The following DIAPH3 variants were observed in gnomAD, a reference collection of about 807,000 sequenced individuals.
DIAPH3 encodes the protein diaphanous related formin 3, also known as protein diaphanous homolog 3.
In DIAPH3, 117 loss-of-function variants were observed where a neutral mutation model predicts 144.3. That is an observed-to-expected ratio of 0.81 (90% CI 0.70 to 0.95). The LOEUF is 0.95. Ranked by LOEUF, DIAPH3 falls within the 40% of genes least tolerant of loss-of-function variation. DIAPH3 has a pLI of 0.00. For missense variants in DIAPH3, 1,421 were observed against 1,412.7 expected (o/e 1.01, Z -0.09); for synonymous variants, 519 against 488.9 (o/e 1.06, Z -0.81).
At chr13:59,835,098 A>G (rs1329371411) in intron 23 of DIAPH3, among the ~76,000 whole-genome samples, 1 of 151,784 alleles carries the variant, frequency 6.6e-6, no homozygotes, top group Non-Finnish European at 1.5e-5. Flanking sequence ...GTCACTGAGG[A>G]TGCCCATAAC....
At chr13:59,867,352 C>T (rs1284177113) in intron 21 of DIAPH3, among the ~76,000 whole-genome samples, 2 of 151,326 alleles carry the variant, frequency 1.3e-5, no homozygotes, top group Non-Finnish European at 2.9e-5. Flanking sequence ...GCCATAACCA[C>T]AACCATTAAT....
At chr13:59,802,826 C>T (rs9538525) in intron 25 of DIAPH3, among the ~76,000 whole-genome samples, 10 of 148,198 alleles carry the variant, frequency 6.7e-5, no homozygotes, top group African/African-American at 2.5e-4. Flanking sequence ...GGACTACAGG[C>T]GCCCGCCACC....
chr13:59,673,436 C>T (rs1323667007), intron 27 of DIAPH3, among the ~76,000 whole-genome samples: 1 of 152,140 alleles, frequency 6.6e-6, no homozygotes, highest in Non-Finnish European at 1.5e-5. Flanking sequence ...TTCATCTGGT[C>T]TTTGTCCCAG....
intron 17 of DIAPH3, among the ~76,000 whole-genome samples, chr13:59,955,532 G>A (rs922395706): frequency 6.6e-6 from 1 of 152,094 alleles, no homozygotes; most frequent in African/African-American, 2.4e-5. Flanking sequence ...TTTATTAGCA[G>A]CATGAGAAGC....
chr13:59,879,485 C>T lies in DIAPH3; in HGVS notation c.2368-17G>A. The T allele has an allele frequency of 1.2e-6, 2 of 1,613,244 alleles. No individual in the cohort carries two copies. Among genetic ancestry groups the T allele is most frequent in the Middle Eastern group, 1.7e-4 (1 of 6,058 alleles). ...ATTGCTCATCTGATTGAAAAGAAAACAGCAGATTTCCTTTAAAATGCATGG... is the reference window on the plus strand; with the variant it reads ...ATTGCTCATCTGATTGAAAAGAAAATAGCAGATTTCCTTTAAAATGCATGG... On this transcript the variant is annotated splice_polypyrimidine_tract_variant and intron_variant, in intron 20 of 27. Transcript: ENST00000400324.
At chr13:59,743,479 T>TG (rs924566216) in intron 27 of DIAPH3, among the ~76,000 whole-genome samples, 1 of 152,138 alleles carries the variant, frequency 6.6e-6, no homozygotes, top group African/African-American at 2.4e-5. Context: ...TGTACCTTGT[T>TG]GGGGGTGGAT....
At chr13:59,700,279 C>A (rs944748720) in intron 27 of DIAPH3, among the ~76,000 whole-genome samples, 7 of 152,100 alleles carry the variant, frequency 4.6e-5, no homozygotes, top group Non-Finnish European at 8.8e-5. Context: ...CAGCTGGAAA[C>A]CTTTGTAATA....
chr13:60,105,099 C>CAAAAAAAAAAAACAAAAAAAAAA (rs530311392), intron 3 of DIAPH3, among the ~76,000 whole-genome samples: 3 of 41,818 alleles, frequency 7.2e-5, no homozygotes, highest in African/African-American at 2.0e-4. Context: ...GACACGATCT[C>CAAAAAAAAAAAACAAAAAAAAAA]AAAAAAAAAA....
chr13:59,668,205 A>G (rs2032133649), intron 27 of DIAPH3, among the ~76,000 whole-genome samples: 1 of 152,220 alleles, frequency 6.6e-6, no homozygotes, highest in African/African-American at 2.4e-5. Context: ...TGTTTGCCGG[A>G]AAGAGCACGG....
intron 21 of DIAPH3, among the ~76,000 whole-genome samples, chr13:59,865,430 G>C (rs551770206): frequency 7.2e-5 from 11 of 151,888 alleles, no homozygotes; most frequent in Non-Finnish European, 1.6e-4. Flanking sequence ...TAAAATATTT[G>C]CTTTAAAAAT....
intron 27 of DIAPH3, among the ~76,000 whole-genome samples, chr13:59,671,930 C>T (rs75544744): frequency 0.044 from 6,629 of 152,140 alleles, 224 homozygotes; most frequent in South Asian, 0.1. Context: ...TGATCTTTGG[C>T]AGAGTATAGA....
At chr13:59,716,333 G>A (rs933708593) in intron 27 of DIAPH3, among the ~76,000 whole-genome samples, 13 of 152,004 alleles carry the variant, frequency 8.6e-5, no homozygotes, top group Non-Finnish European at 1.5e-4. Flanking sequence ...CCGCCACCAC[G>A]CCCGGCTAAT....
In DIAPH3 at chr13:60,093,733, C is replaced by A; in HGVS notation, c.391-1G>T. On this transcript the variant is annotated splice_acceptor_variant, in intron 3 of 27. Transcript: ENST00000400324. LOFTEE classifies it high-confidence loss of function. ...TATCTTCATTTAAATTCATATCTTC[C>A]TGGAAAACACAATTAAAATGCCTCA... 6.3e-7 allele frequency: 1 copy of A among 1,596,022 alleles called. No individual in the cohort carries two copies. Among genetic ancestry groups the A allele is most frequent in the Non-Finnish European group, 8.6e-7 (1 of 1,164,608 alleles).
chr13:60,083,907 A>AGATGGATG (rs61418371), intron 4 of DIAPH3, among the ~76,000 whole-genome samples: 83 of 145,704 alleles, frequency 5.7e-4, no homozygotes, highest in East Asian at 1.0e-3. Context: ...ATGGATGGAC[A>AGATGGATG]GATGGATGGA....
chr13:60,015,673 G>A (rs899700481), intron 7 of DIAPH3, among the ~76,000 whole-genome samples: 1 of 151,898 alleles, frequency 6.6e-6, no homozygotes, highest in Non-Finnish European at 1.5e-5. Flanking sequence ...GGTTGAGAGG[G>A]AGGAAAGGGT....
At chr13:60,040,624 G>A (rs1294194105) in intron 5 of DIAPH3, among the ~76,000 whole-genome samples, 2 of 152,030 alleles carry the variant, frequency 1.3e-5, no homozygotes, top group Non-Finnish European at 2.9e-5. Context: ...TAAATAAAGG[G>A]TCTACTCCTC....
chr13:59,783,549 A>G (rs148401409), intron 25 of DIAPH3, among the ~76,000 whole-genome samples: 340 of 152,336 alleles, frequency 2.2e-3, no homozygotes, highest in South Asian at 0.016. Flanking sequence ...GTCGTACCTG[A>G]AACTATGGAA....
chr13:59,824,031 A>C (rs2041230956), intron 24 of DIAPH3, among the ~76,000 whole-genome samples: 1 of 152,188 alleles, frequency 6.6e-6, no homozygotes, highest in Non-Finnish European at 1.5e-5. Context: ...GGCAAACAGC[A>C]CAAATGACAA....
chr13:60,011,321 A>G (rs2140953306), intron 7 of DIAPH3, among the ~76,000 whole-genome samples: 1 of 152,296 alleles, frequency 6.6e-6, no homozygotes, highest in Middle Eastern at 3.4e-3. Context: ...ATACGGAACC[A>G]GACACTGAGG....
Sources: allele counts gnomAD v4.1 joint callset (sites outside exome capture counted in the v4.1 genomes callset), GRCh38; gene constraint gnomAD v4.1.1; transcripts MANE v1.5; gene names NCBI Gene and HGNC (gene_info 2026-07-23, HGNC 2026-07-21).